The following FHIT variants were observed in gnomAD, a reference collection of about 807,000 sequenced individuals.
FHIT encodes the protein bis(5'-adenosyl)-triphosphatase.
In FHIT, 19 loss-of-function variants were observed where a neutral mutation model predicts 17.9. That is an observed-to-expected ratio of 1.06 (90% CI 0.74 to 1.56). FHIT has a LOEUF of 1.56. Among genes scored for constraint, FHIT ranks in the 40% most tolerant of loss-of-function variants. The probability of loss-of-function intolerance (pLI) is 0.00; values close to 1 mark genes in which losing one functional copy is unlikely to be tolerated. For missense variants in FHIT, 248 were observed against 189.2 expected (o/e 1.31, Z -1.82); for synonymous variants, 81 against 69.7 (o/e 1.16, Z -0.81).
intron 5 of FHIT, among the ~76,000 whole-genome samples, chr3:60,186,231 A>G (rs1181641257): frequency 1.3e-5 from 2 of 151,738 alleles, no homozygotes; most frequent in Non-Finnish European, 2.9e-5. Flanking sequence ...AAGATCCCAG[A>G]TTTTTTTCTA....
chr3:60,469,449 A>T (rs1286376442), intron 5 of FHIT, among the ~76,000 whole-genome samples: 1 of 152,190 alleles, frequency 6.6e-6, no homozygotes, highest in Non-Finnish European at 1.5e-5. Flanking sequence ...ACTCTGATGC[A>T]TTCTTCAGTA....
intron 5 of FHIT, among the ~76,000 whole-genome samples, chr3:60,076,146 A>G (rs765744448): frequency 2.0e-5 from 3 of 152,210 alleles, no homozygotes; most frequent in Middle Eastern, 3.4e-3. Context: ...AAGAAATACA[A>G]TTACTACTGG....
intron 4 of FHIT, among the ~76,000 whole-genome samples, chr3:60,649,224 C>T (rs899325027): frequency 2.0e-5 from 3 of 151,910 alleles, no homozygotes; most frequent in Non-Finnish European, 2.9e-5. Context: ...GGTGAAACCC[C>T]GTCTCTACTA....
At chr3:59,771,456 G>A (rs1702070283) in intron 8 of FHIT, among the ~76,000 whole-genome samples, 1 of 152,214 alleles carries the variant, frequency 6.6e-6, no homozygotes, top group South Asian at 2.1e-4. Context: ...ATAAAGAAGG[G>A]AGGTCAGGTT....
At chr3:61,053,376 C>T (rs554131017) in intron 2 of FHIT, among the ~76,000 whole-genome samples, 58 of 152,068 alleles carry the variant, frequency 3.8e-4, no homozygotes, top group African/African-American at 1.1e-3. Flanking sequence ...AAATTGTGTT[C>T]GGCTGGGTGT....
At chr3:60,120,991 G>A (rs1705220908) in intron 5 of FHIT, among the ~76,000 whole-genome samples, 1 of 152,080 alleles carries the variant, frequency 6.6e-6, no homozygotes, top group African/African-American at 2.4e-5. Flanking sequence ...TCATAAGAGA[G>A]CCTTAAGAGT....
rs146580591 is a variant in FHIT, at chr3:60,960,436, A to T, written c.-111+81611T>A. Among the ~76,000 whole-genome samples, 10 of 152,320 alleles carry T rather than the reference A, an allele frequency of 6.6e-5. No individual in the cohort carries two copies. The East Asian group carries it at 1.7e-3, about 26-fold the overall frequency. ...CTATTATTTTTTCAATTTTATTTTTATTACACTTTAAGTTCTAGGGTACAT... is the reference window on the plus strand; with the variant it reads ...CTATTATTTTTTCAATTTTATTTTTTTTACACTTTAAGTTCTAGGGTACAT... On this transcript the variant is annotated intron_variant, in intron 3 of 9. Coordinates refer to ENST00000492590, the MANE Select transcript of FHIT (RefSeq NM_002012.4).
chr3:60,002,351 A>C (rs1213459123), intron 7 of FHIT, among the ~76,000 whole-genome samples: 1 of 152,062 alleles, frequency 6.6e-6, no homozygotes, highest in Non-Finnish European at 1.5e-5. Context: ...GTTTTGGATT[A>C]ATCTGATGGA....
intron 5 of FHIT, among the ~76,000 whole-genome samples, chr3:60,328,300 G>A (rs1470245584): frequency 6.6e-6 from 1 of 152,156 alleles, no homozygotes; most frequent in Non-Finnish European, 1.5e-5. Context: ...CATTGTATTA[G>A]TTCATTTTCA....
At chr3:60,887,396 G>T (rs1476124155) in intron 3 of FHIT, among the ~76,000 whole-genome samples, 1 of 152,154 alleles carries the variant, frequency 6.6e-6, no homozygotes, top group Admixed American at 6.5e-5. Context: ...TGTAATCCCA[G>T]CACTTTGGGA....
chr3:60,513,884 T>TGAGCAGAAGAGCAGCA (rs1553638781), intron 5 of FHIT, among the ~76,000 whole-genome samples: 45 of 152,162 alleles, frequency 3.0e-4, no homozygotes, highest in African/African-American at 1.1e-3. Flanking sequence ...CCACGCTCCA[T>TGAGCAGAAGAGCAGCA]GAGCAGAAGA....
At chr3:60,303,235 T>G (rs1708520892) in intron 5 of FHIT, among the ~76,000 whole-genome samples, 1 of 152,122 alleles carries the variant, frequency 6.6e-6, no homozygotes, top group South Asian at 2.1e-4. Flanking sequence ...AAAATACAAT[T>G]CACTAAGCAT....
chr3:60,043,745 G>A (rs1701540337), intron 5 of FHIT, among the ~76,000 whole-genome samples: 1 of 152,102 alleles, frequency 6.6e-6, no homozygotes, highest in Non-Finnish European at 1.5e-5. Flanking sequence ...ACCTCCCACT[G>A]ATTAGACAGT....
At chr3:60,637,551 T>C (rs1371557087) in intron 4 of FHIT, among the ~76,000 whole-genome samples, 5 of 152,304 alleles carry the variant, frequency 3.3e-5, no homozygotes, top group African/African-American at 4.8e-5. Flanking sequence ...ACTACCATTA[T>C]TGCCACATAA....
intron 4 of FHIT, among the ~76,000 whole-genome samples, chr3:60,579,714 T>C (rs1240627186): frequency 4.6e-5 from 7 of 152,168 alleles, no homozygotes; most frequent in African/African-American, 1.7e-4. Flanking sequence ...GATGTTACAA[T>C]TGGAAATCTC....
intron 7 of FHIT, among the ~76,000 whole-genome samples, chr3:60,003,409 T>A (rs1425313240): frequency 1.3e-5 from 2 of 152,192 alleles, no homozygotes; most frequent in African/African-American, 4.8e-5. Context: ...AGGCCCAATT[T>A]CAATCAAGGC....
chr3:61,216,779 T>C (rs1482607749), intron 1 of FHIT, among the ~76,000 whole-genome samples: 1 of 152,018 alleles, frequency 6.6e-6, no homozygotes, highest in Non-Finnish European at 1.5e-5. Context: ...ATTAAGAAAA[T>C]GTGGCACATA....
intron 5 of FHIT, among the ~76,000 whole-genome samples, chr3:60,336,130 A>C (rs1401780906): frequency 6.6e-6 from 1 of 152,246 alleles, no homozygotes; most frequent in Non-Finnish European, 1.5e-5. Context: ...GGCTCTCTCC[A>C]CATGCTTTAC....
intron 4 of FHIT, among the ~76,000 whole-genome samples, chr3:60,572,849 T>G (rs566218856): frequency 6.6e-6 from 1 of 152,096 alleles, no homozygotes; most frequent in African/African-American, 2.4e-5. Context: ...CTGGGACCAG[T>G]TGGTCAGCAA....
Sources: allele counts gnomAD v4.1 joint callset (sites outside exome capture counted in the v4.1 genomes callset), GRCh38; gene constraint gnomAD v4.1.1; transcripts MANE v1.5; gene names NCBI Gene and HGNC (gene_info 2026-07-23, HGNC 2026-07-21).